Variants in MYH11 observed in about 807,000 individuals in gnomAD.
MYH11 encodes myosin-11.
MYH11 carries 80 observed loss-of-function variants against 246.6 expected under a neutral mutation model. The observed-to-expected ratio is 0.32, with a 90% CI of 0.27 to 0.39. The LOEUF (loss-of-function observed/expected upper bound fraction) is 0.39, where lower values mean the gene tolerates loss of function less well. MYH11 is among the 10% of genes least tolerant of loss of function. The pLI, the probability that MYH11 is intolerant of heterozygous loss-of-function variation, is 1.00. For synonymous variants in MYH11, 1,071 were observed against 1,015.5 expected (o/e 1.05, Z -1.04); for missense variants, 2,158 against 2,546.8 (o/e 0.85, Z 3.29).
intron 23 of MYH11, 36 bp from the exon 24 acceptor site, chr16:15,738,724 T>G (rs1207742051): frequency 1.2e-6 from 2 of 1,609,732 alleles, no homozygotes; most frequent in Non-Finnish European, 1.7e-6. Context: ...GCTTTAGGAT[T>G]TTTCTTTTCT....
chr16:15,748,262 G>A, intron 16 of MYH11, 94 bp from the exon 17 acceptor site: 2 of 1,578,544 alleles, frequency 1.3e-6, no homozygotes, highest in Non-Finnish European at 8.6e-7. Flanking sequence ...CACCTGGCCA[G>A]GCCATGAGGG....
At chr16:15,749,817 G>A in intron 16 of MYH11, 1 of 477,774 alleles carries the variant, frequency 2.1e-6, no homozygotes, top group Non-Finnish European at 3.7e-6. Flanking sequence ...GAAACCCACA[G>A]GGAAGGGCTA....
At chr16:15,849,236 T>G (rs2044272168) in intron 1 of MYH11, among the ~76,000 whole-genome samples, 1 of 152,184 alleles carries the variant, frequency 6.6e-6, no homozygotes, top group Non-Finnish European at 1.5e-5. Context: ...CTTGCTATTT[T>G]GCCTAGGCTG....
intron 2 of MYH11, among the ~76,000 whole-genome samples, chr16:15,831,609 A>T (rs181292107): frequency 6.6e-6 from 1 of 151,938 alleles, no homozygotes; most frequent in African/African-American, 2.4e-5. Flanking sequence ...TTATCCTTGT[A>T]TTACTGGAGG....
intron 3 of MYH11, among the ~76,000 whole-genome samples, chr16:15,806,950 G>A (rs923211527): frequency 6.8e-6 from 1 of 147,362 alleles, no homozygotes; most frequent in Admixed American, 6.7e-5. Context: ...AAGTCAATAA[G>A]ATCTGCTTTT....
intron 10 of MYH11, among the ~76,000 whole-genome samples, chr16:15,761,321 C>T (rs2041863210): frequency 6.6e-6 from 1 of 152,152 alleles, no homozygotes; most frequent in South Asian, 2.1e-4. Context: ...CCGTGTTGCC[C>T]AGGCTGGTCT....
At position 15,715,147 on chromosome 16, in the gene MYH11, T is replaced by A. The variant is rs1270327867; in HGVS notation, c.5613+17A>T. 6.2e-7 allele frequency: 1 copy of A among 1,613,116 alleles called. No homozygotes were observed. Among genetic ancestry groups the A allele is most frequent in the Admixed American group, 1.7e-5 (1 of 60,010 alleles). ...TGGGGGCTGGGGGCTCGAGGGAGGC[T>A]GGGTGGCAGGGGCTACCTGCTCCTT... On this transcript the variant is annotated intron_variant, in intron 39 of 40. Coordinates refer to ENST00000300036, the MANE Select transcript of MYH11 (RefSeq NM_002474.3).
intron 3 of MYH11, among the ~76,000 whole-genome samples, chr16:15,818,580 G>A (rs898546398): frequency 2.0e-5 from 3 of 151,998 alleles, no homozygotes; most frequent in Admixed American, 6.5e-5. Flanking sequence ...GACTACAGGC[G>A]CCTGCCACTG....
At chr16:15,742,261 A>G in intron 20 of MYH11, 1 of 325,148 alleles carries the variant, frequency 3.1e-6, no homozygotes, top group South Asian at 3.5e-5. Context: ...ACAGAGAACT[A>G]CTGCTGAAAA....
chr16:15,771,844 C>A, intron 8 of MYH11, 132 bp from the exon 9 acceptor site: 2 of 1,181,548 alleles, frequency 1.7e-6, no homozygotes, highest in East Asian at 2.5e-5. Flanking sequence ...GTTTAAAGCC[C>A]TCACGCATCG....
intron 2 of MYH11, among the ~76,000 whole-genome samples, chr16:15,830,469 T>C (rs1333919246): frequency 2.0e-5 from 3 of 152,152 alleles, no homozygotes; most frequent in African/African-American, 4.8e-5. Context: ...CTACCATGGA[T>C]GAATGGCCAA....
rs762949295 is a variant in MYH11 at position 15,741,865 on chromosome 16, C to T, written c.2547G>A (p.Arg849=). ...CCTTGGCCTGCATCTCCTCCTCCTG[C>T]CGTGTCACCTGCAGCAGTGGCTTCA... ...TKVKPLLQVT[R]QEEEMQAKED... Residue 849 remains arginine (R), a synonymous_variant, in exon 21 of 41, where the codon CGG becomes CGA. Transcript: ENST00000300036. The T allele has an allele frequency of 6.2e-7, 1 of 1,614,138 alleles. No individual in the cohort carries two copies. Among genetic ancestry groups the T allele is most frequent in the African/African-American group, 1.3e-5 (1 of 74,946 alleles).
chr16:15,742,974 CCAA>C (rs2151253327), intron 20 of MYH11, among the ~76,000 whole-genome samples: 1 of 149,716 alleles, frequency 6.7e-6, no homozygotes, highest in South Asian at 2.1e-4. Context: ...GCCACAGTGT[CCAA>C]CTAGACAGCT....
rs886051751 is a variant in MYH11 at position 15,725,165 on chromosome 16, A to G, written c.3859-173T>C. On this transcript the variant is annotated intron_variant, in intron 28 of 40. Transcript: ENST00000300036. ...AAAAAAAAAACACACACACACACAAAAAAAACAGAATCTGTGGCTTGAAGG... is the reference window on the plus strand; with the variant it reads ...AAAAAAAAAACACACACACACACAAGAAAAACAGAATCTGTGGCTTGAAGG... 46 of 644,278 alleles carry G rather than the reference A, an allele frequency of 7.1e-5. No homozygotes were observed. Among genetic ancestry groups the G allele is most frequent in the Admixed American group, 6.3e-4 (23 of 36,512 alleles). The allele number at this position is 644,278 out of a possible 1,614,324, so 39.9% of individuals were successfully genotyped here. A position where few individuals can be genotyped will look rare whatever the true frequency, so the allele number is the denominator to read the frequency against.
At chr16:15,774,078 T>C (rs1332566708) in intron 8 of MYH11, among the ~76,000 whole-genome samples, 2 of 152,208 alleles carry the variant, frequency 1.3e-5, no homozygotes, top group Non-Finnish European at 2.9e-5. Flanking sequence ...TCAAGGTCTT[T>C]TATGGGTCAA....
chr16:15,751,158 T>TC (rs1567727725), intron 15 of MYH11, among the ~76,000 whole-genome samples: 17 of 143,860 alleles, frequency 1.2e-4, no homozygotes, highest in Non-Finnish European at 2.0e-4. Flanking sequence ...TTATTATTAT[T>TC]ATCATTATTT....
At position 15,788,095 on chromosome 16, in the gene MYH11, T is replaced by TTTTTTTTTATTTTTTTTTTTTTTTTTTTA. The variant is rs11273419; in HGVS notation, c.531-1364_531-1363insTAAAAAAAAAAAAAAAAAAATAAAAAAAA. ...GGTAGATCTTTTTTTTTTTTTTTTT[T>TTTTTTTTTATTTTTTTTTTTTTTTTTTTA]ACCAAGATGGCTTTCGTGCACTAGC... is the stretch of plus-strand genomic sequence containing the variant. On this transcript the variant is annotated intron_variant, in intron 4 of 40. Transcript: ENST00000300036. Among the ~76,000 whole-genome samples the TTTTTTTTTATTTTTTTTTTTTTTTTTTTA allele has an allele frequency of 2.0e-5, 2 of 99,488 alleles. 1 individual carries two copies. The highest frequency in any genetic ancestry group is 6.9e-5 in the African/African-American group (2 of 28,996). The allele number at this position is 99,488 out of a possible 152,430, so 65.3% of individuals were successfully genotyped here.
intron 40 of MYH11, among the ~76,000 whole-genome samples, chr16:15,704,891 C>T (rs761984307): frequency 3.9e-5 from 6 of 152,202 alleles, no homozygotes; most frequent in Admixed American, 6.5e-5. Flanking sequence ...GTTGCCCAGG[C>T]TGGTCTGGAA....
intron 19 of MYH11, among the ~76,000 whole-genome samples, chr16:15,745,582 C>CTTTTTTTTTTTTT (rs71981525): frequency 1.1e-5 from 1 of 94,406 alleles, no homozygotes; most frequent in Non-Finnish European, 2.1e-5. Flanking sequence ...TTCTTTCTTT[C>CTTTTTTTTTTTTT]TTTTTTTTTT....
Sources: allele counts gnomAD v4.1 joint callset (sites outside exome capture counted in the v4.1 genomes callset), GRCh38; gene constraint gnomAD v4.1.1; transcripts MANE v1.5; gene names NCBI Gene and HGNC (gene_info 2026-07-23, HGNC 2026-07-21).